Variants in TDRD15 observed in about 807,000 individuals in gnomAD.
The protein encoded by TDRD15 is tudor domain containing 15.
For missense variants in TDRD15, 1,416 were observed against 904.7 expected, an observed-to-expected ratio of 1.57 and a Z score of -7.25; for synonymous variants, 503 against 314.5, an observed-to-expected ratio of 1.60 and a Z score of -6.34.
intron 2 of TDRD15, among the ~76,000 whole-genome samples, chr2:21,132,825 T>C (rs1665744275): frequency 6.6e-6 from 1 of 152,164 alleles, no homozygotes; most frequent in African/African-American, 2.4e-5. Context: ...CTGGTATTTA[T>C]TTTTGCTCTC....
In TDRD15 at chr2:21,142,825, T is replaced by G. The variant is rs769511091; in HGVS notation, c.5358T>G (p.Ser1786Arg). The G allele has an allele frequency of 2.4e-5, 17 of 714,860 alleles. No individual in the cohort carries two copies. The South Asian group carries it at 2.5e-4, about 11-fold the overall frequency. The allele number at this position is 714,860 out of a possible 1,614,324, so 44.3% of individuals were successfully genotyped here. A position where few individuals can be genotyped will look rare whatever the true frequency, so the allele number is the denominator to read the frequency against. Reference protein sequence around the residue: ...LPQEFIIPGSSCLFKYKSEDQ... With the variant: ...LPQEFIIPGSRCLFKYKSEDQ... ...AGGAGTTCATAATTCCCGGTTCTAG[T>G]TGTTTGTTCAAATATAAATCGGAAG... The change falls in exon 4 of 4, where the codon AGT becomes AGG. Residue 1786 changes from serine to arginine, a missense_variant. By Grantham distance (110) the Ser-to-Arg change is moderately radical (BLOSUM62 -1). Transcript: ENST00000405799.
In TDRD15 at chr2:21,138,001, G is replaced by A. The variant is rs994325395; in HGVS notation, c.534G>A (p.Glu178=). The A allele has an allele frequency of 2.8e-6, 2 of 716,758 alleles. No individual in the cohort carries two copies. Among genetic ancestry groups the A allele is most frequent in the Middle Eastern group, 2.3e-4 (1 of 4,368 alleles). The allele number at this position is 716,758 out of a possible 1,614,324, so 44.4% of individuals were successfully genotyped here. ...EVPKIISQAL[E]LQLGRLVDGD... is the part of the protein sequence containing the mutation. The stretch of plus-strand genomic sequence containing the variant: ...CAAAAATTATATCTCAGGCTCTCGA[G>A]TTACAATTAGGAAGACTTGTTGATG... The change falls in exon 4 of 4, where the codon GAG becomes GAA. Residue 178 remains glutamate, a synonymous_variant. Coordinates refer to ENST00000405799, the MANE Select transcript of TDRD15 (RefSeq NM_001306137.2).
Position 21,143,224 on chromosome 2 carries a change from TCATCTTGATGCAATTACTG to T in TDRD15, c.5759_5777del (p.His1920LeufsTer51). ...TCGCAACTTATTCTAAAGATTCACC[TCATCTTGATGCAATTACTG>T]CTACTGAATCTGCTAAAAATCCAAT... On this transcript the variant is annotated frameshift_variant, in exon 4 of 4. Transcript: ENST00000405799. LOFTEE classifies it low-confidence loss of function (END_TRUNC). 1 of 662,722 alleles carries T rather than the reference TCATCTTGATGCAATTACTG, an allele frequency of 1.5e-6. No homozygotes were observed. The highest frequency in any genetic ancestry group is 1.8e-5 in the South Asian group (1 of 56,412). The allele number at this position is 662,722 out of a possible 1,614,324, so 41.1% of individuals were successfully genotyped here. A position where few individuals can be genotyped will look rare whatever the true frequency, so the allele number is the denominator to read the frequency against.
intron 3 of TDRD15, among the ~76,000 whole-genome samples, 198 bp downstream of exon 3, chr2:21,135,045 TTA>T (rs1381995518): frequency 1.2e-4 from 17 of 145,430 alleles, no homozygotes; most frequent in African/African-American, 3.0e-4. Context: ...TATACACAAT[TTA>T]TATATATAAA....
chr2:21,127,273 T>C (rs1665616578), intron 1 of TDRD15, among the ~76,000 whole-genome samples: 1 of 152,172 alleles, frequency 6.6e-6, no homozygotes, highest in South Asian at 2.1e-4. Context: ...TTTAGTCTTT[T>C]TATTGTGTCT....
intron 2 of TDRD15, among the ~76,000 whole-genome samples, chr2:21,129,743 G>T (rs1665681358): frequency 6.6e-6 from 1 of 151,856 alleles, no homozygotes; most frequent in Non-Finnish European, 1.5e-5. Context: ...TTTGTTACTT[G>T]TGCTTTTGGA....
intron 2 of TDRD15, among the ~76,000 whole-genome samples, chr2:21,130,176 T>C (rs1190606198): frequency 6.6e-6 from 1 of 152,202 alleles, no homozygotes; most frequent in East Asian, 1.9e-4. Flanking sequence ...ATAGTAGTCA[T>C]GAAGATTTAT....
rs995605439 is a variant in TDRD15, at chr2:21,140,016, A to G, written c.2549A>G (p.Asn850Ser). ...RVLIEDLCAINPRFLLLESQA... is the reference protein window; with the variant it reads ...RVLIEDLCAISPRFLLLESQA... ...TTAATTGAAGATCTTTGTGCAATTAACCCACGTTTTCTCTTGTTAGAAAGC... is the reference window on the plus strand; with the variant it reads ...TTAATTGAAGATCTTTGTGCAATTAGCCCACGTTTTCTCTTGTTAGAAAGC... Residue 850 changes from asparagine (N) to serine (S), a missense_variant, in exon 4 of 4, where the codon AAC becomes AGC. Transcript: ENST00000405799. 3.2e-5 allele frequency: 23 copies of G among 715,556 alleles called. No homozygotes were observed. The highest frequency in any genetic ancestry group is 2.3e-4 in the Middle Eastern group (1 of 4,382). The allele number at this position is 715,556 out of a possible 1,614,324, so 44.3% of individuals were successfully genotyped here.
Position 21,143,133 on chromosome 2 carries a change from C to G in TDRD15, c.5666C>G (p.Thr1889Arg). The change falls in exon 4 of 4, where the codon ACA becomes AGA. Residue 1889 changes from threonine (T) to arginine (R), a missense_variant. By Grantham distance (71) the Thr-to-Arg change is moderately conservative. Coordinates refer to ENST00000405799, the MANE Select transcript of TDRD15 (RefSeq NM_001306137.2). ...CAGTTTAGGGAATATCATTCTGAAA[C>G]AAAACTGAAAGTAGATGTCATTCAT... Reference protein sequence around the residue: ...VFQFREYHSETKLKVDVIHEK... With the variant: ...VFQFREYHSERKLKVDVIHEK... 1 of 706,970 alleles carries G rather than the reference C, an allele frequency of 1.4e-6. No individual in the cohort carries two copies. The highest frequency in any genetic ancestry group is 2.7e-5 in the East Asian group (1 of 37,068). 43.8% of individuals were successfully genotyped at this position (706,970 alleles called of 1,614,324 possible).
Position 21,141,423 on chromosome 2 carries a change from G to A in TDRD15, c.3956G>A (p.Ser1319Asn), listed in dbSNP as rs1665929121. 8.4e-6 allele frequency: 6 copies of A among 713,212 alleles called. 1 individual carries two copies. Among genetic ancestry groups the A allele is most frequent in the South Asian group, 4.5e-5 (3 of 66,928 alleles). 44.2% of individuals were successfully genotyped at this position (713,212 alleles called of 1,614,324 possible). Residue 1319 changes from serine to asparagine, a missense_variant, in exon 4 of 4, where the codon AGT becomes AAT. Ser to Asn is a conservative substitution (Grantham distance 46, BLOSUM62 1). Coordinates refer to ENST00000405799, the MANE Select transcript of TDRD15 (RefSeq NM_001306137.2). ...CATATTCAGCTTGCTGAGAATGAAAGTGTAATTATCAGACTTGCTGATGCT... is the reference window on the plus strand; with the variant it reads ...CATATTCAGCTTGCTGAGAATGAAAATGTAATTATCAGACTTGCTGATGCT... The part of the protein sequence containing the change: ...NFHIQLAENE[S>N]VIIRLADALN...
In TDRD15 at chr2:21,137,927, G is replaced by A. The variant is rs1201188719; in HGVS notation, c.460G>A (p.Gly154Ser). ...GTCATTAGTAGGAATACAAGTGAAA[G>A]GTTATGTGCAAGCTATTTTACCTCT... ...FKSLVGIQVK[G>S]YVQAILPLQM... Residue 154 changes from glycine (G) to serine (S), a missense_variant, in exon 4 of 4, where the codon GGT (glycine) becomes AGT (serine). Coordinates refer to ENST00000405799, the MANE Select transcript of TDRD15 (RefSeq NM_001306137.2). The A allele has an allele frequency of 1.4e-6, 1 of 716,550 alleles. No individual in the cohort carries two copies. The highest frequency in any genetic ancestry group is 2.0e-5 in the Admixed American group (1 of 49,918). The allele number at this position is 716,550 out of a possible 1,614,324, so 44.4% of individuals were successfully genotyped here.
chr2:21,141,893 C>A lies in TDRD15; in HGVS notation c.4426C>A (p.Gln1476Lys), dbSNP rs1665941092. The change falls in exon 4 of 4, where the codon CAG becomes AAG. Residue 1476 changes from glutamine (Q) to lysine (K), a missense_variant. Physicochemically the swap from Gln to Lys is moderately conservative, Grantham distance 53. Transcript: ENST00000405799. ...GAAATGGAAAGCATGTTCAAAACTGCAGAAGTCAGCATTGCAGATGCCTCA... is the reference window on the plus strand; with the variant it reads ...GAAATGGAAAGCATGTTCAAAACTGAAGAAGTCAGCATTGCAGATGCCTCA... ...LLKWKACSKL[Q>K]KSALQMPQVL... 1.4e-6 allele frequency: 1 copy of A among 715,222 alleles called. No homozygotes were observed. 44.3% of individuals were successfully genotyped at this position (715,222 alleles called of 1,614,324 possible). A position where few individuals can be genotyped will look rare whatever the true frequency, so the allele number is the denominator to read the frequency against.
At chr2:21,125,789 T>C (rs2103433621) in intron 1 of TDRD15, among the ~76,000 whole-genome samples, 1 of 152,324 alleles carries the variant, frequency 6.6e-6, no homozygotes, top group Non-Finnish European at 1.5e-5. Flanking sequence ...CACACTTTCC[T>C]CTATTTGTAT....
chr2:21,138,861 G>C lies in TDRD15; in HGVS notation c.1394G>C (p.Gly465Ala), dbSNP rs747083020. ...EWSIDSLNKK[G>A]ILKVGFPIKT... ...TCAATAGACTCTCTAAATAAAAAAG[G>C]CATTTTAAAAGTAGGTTTTCCCATT... The change falls in exon 4 of 4, where the codon GGC becomes GCC. Residue 465 changes from glycine (G) to alanine (A), a missense_variant. Physicochemically the swap from Gly to Ala is moderately conservative, Grantham distance 60. Coordinates refer to ENST00000405799, the MANE Select transcript of TDRD15 (RefSeq NM_001306137.2). The C allele has an allele frequency of 1.4e-6, 1 of 714,862 alleles. No homozygotes were observed. The highest frequency in any genetic ancestry group is 1.8e-5 in the African/African-American group (1 of 57,056). 44.3% of individuals were successfully genotyped at this position (714,862 alleles called of 1,614,324 possible).
rs1665947646 is a variant in TDRD15, at chr2:21,142,138, A to G, written c.4671A>G (p.Ile1557Met). Residue 1557 changes from isoleucine to methionine, a missense_variant, in exon 4 of 4, where the codon ATA becomes ATG. Physicochemically the swap from Ile to Met is conservative, Grantham distance 10 (BLOSUM62 1). Coordinates refer to ENST00000405799, the MANE Select transcript of TDRD15 (RefSeq NM_001306137.2). ...ATAAAAAAATTTTATCAGATTTAAT[A>G]GTATTAATTACGAAAGAAGAAAAAA... ...SKNKKILSDL[I>M]VLITKEEKKS... is the part of the protein sequence containing the mutation. The G allele has an allele frequency of 1.5e-6, 1 of 674,332 alleles. No homozygotes were observed. 41.8% of individuals were successfully genotyped at this position (674,332 alleles called of 1,614,324 possible). A position where few individuals can be genotyped will look rare whatever the true frequency, so the allele number is the denominator to read the frequency against.
At chr2:21,132,928 G>C (rs1665747588) in intron 2 of TDRD15, among the ~76,000 whole-genome samples, 1 of 152,060 alleles carries the variant, frequency 6.6e-6, no homozygotes, top group Non-Finnish European at 1.5e-5. Flanking sequence ...GTGCATTATA[G>C]GATATTCAGC....
Position 21,141,170 on chromosome 2 carries a change from G to A in TDRD15, c.3703G>A (p.Gly1235Ser). 1.4e-6 allele frequency: 1 copy of A among 714,960 alleles called. No homozygotes were observed. Among genetic ancestry groups the A allele is most frequent in the South Asian group, 1.5e-5 (1 of 67,290 alleles). The allele number at this position is 714,960 out of a possible 1,614,324, so 44.3% of individuals were successfully genotyped here. ...GACTTCTTTGAATGATGGGCTTAAA[G>A]GTATAAAAATTGTCCCTGGAGCTGC... is the stretch of plus-strand genomic sequence containing the variant. Reference protein sequence around the residue: ...MKTSLNDGLKGIKIVPGAAHI... With the variant: ...MKTSLNDGLKSIKIVPGAAHI... Residue 1235 changes from glycine to serine, a missense_variant, in exon 4 of 4, where the codon GGT becomes AGT. Transcript: ENST00000405799.
intron 2 of TDRD15, among the ~76,000 whole-genome samples, chr2:21,133,943 G>A (rs1665763536): frequency 6.6e-6 from 1 of 151,832 alleles, no homozygotes; most frequent in Non-Finnish European, 1.5e-5. Context: ...ATAATAGTTT[G>A]GATGTATTGA....
In TDRD15 at chr2:21,138,204, AG is replaced by A. The variant is rs1170821186; in HGVS notation, c.739del (p.Val247TyrfsTer5). 1 of 716,648 alleles carries A rather than the reference AG, an allele frequency of 1.4e-6. No individual in the cohort carries two copies. Among genetic ancestry groups the A allele is most frequent in the Admixed American group, 2.0e-5 (1 of 49,938 alleles). 44.4% of individuals were successfully genotyped at this position (716,648 alleles called of 1,614,324 possible). ...TCAGTAGGAAGTACTGAAAGTGTAAAGGTATCATCTGCATTGAGCCCAAGTA... is the reference window on the plus strand; with the variant it reads ...TCAGTAGGAAGTACTGAAAGTGTAAAGTATCATCTGCATTGAGCCCAAGTA... Reference protein sequence around the residue: ...SLSVGSTESVKVSSALSPSKF... With the variant: ...SLSVGSTESVXVSSALSPSKF... On this transcript the variant is annotated frameshift_variant, in exon 4 of 4. Coordinates refer to ENST00000405799, the MANE Select transcript of TDRD15 (RefSeq NM_001306137.2). LOFTEE classifies it low-confidence loss of function (END_TRUNC).
Sources: allele counts gnomAD v4.1 joint callset (sites outside exome capture counted in the v4.1 genomes callset), GRCh38; gene constraint gnomAD v4.1.1; transcripts MANE v1.5; gene names NCBI Gene and HGNC (gene_info 2026-07-23, HGNC 2026-07-21).